Variants in RBFOX3 observed in about 807,000 individuals in gnomAD.
RBFOX3 encodes the protein RNA binding fox-1 homolog 3, also known as RNA binding protein fox-1 homolog 3.
RBFOX3 carries 17 observed loss-of-function variants against 48.7 expected under a neutral mutation model. That is an observed-to-expected ratio of 0.35 (90% CI 0.24 to 0.52). The LOEUF is 0.52. Among genes scored for constraint, RBFOX3 ranks in the 20% least tolerant of loss-of-function variants. The pLI, the probability that RBFOX3 is intolerant of heterozygous loss-of-function variation, is 0.94. For missense variants in RBFOX3, 382 were observed against 497.5 expected, an observed-to-expected ratio of 0.77 and a Z score of 2.21; for synonymous variants, 212 against 209.5, an observed-to-expected ratio of 1.01 and a Z score of -0.10.
rs538418881 is a variant in RBFOX3 at position 79,391,845 on chromosome 17, C to T, written c.-174-84021G>A. Reference sequence around the variant, plus strand: ...GACAGCACACCCCCGCTCTGATCCTCGGTTTCCGAATCTGTTAAAAAAAAA... The same window carrying T: ...GACAGCACACCCCCGCTCTGATCCTTGGTTTCCGAATCTGTTAAAAAAAAA... On this transcript the variant is annotated intron_variant, in intron 2 of 14. Coordinates refer to ENST00000693108, the MANE Select transcript of RBFOX3 (RefSeq NM_001350451.2). The surrounding 1 kb of genome is among the most constrained non-coding windows in gnomAD (Gnocchi z 5.0). Among the ~76,000 whole-genome samples, 4 of 151,576 alleles carry T rather than the reference C, an allele frequency of 2.6e-5. No individual in the cohort carries two copies. The highest frequency in any genetic ancestry group is 2.1e-4 in the South Asian group (1 of 4,768).
intron 1 of RBFOX3, among the ~76,000 whole-genome samples, chr17:79,602,665 T>G (rs2093732006): frequency 1.5e-5 from 2 of 135,404 alleles, no homozygotes; most frequent in South Asian, 4.3e-4. Context: ...ACACACTTTG[T>G]TTTTTTTTTC....
rs1376363195 is a variant in RBFOX3, at chr17:79,477,353, G to A, written c.-175+5101C>T. 1.7e-4 allele frequency among the ~76,000 whole-genome samples: 25 copies of A among 150,538 alleles called. No individual in the cohort carries two copies. The highest frequency in any genetic ancestry group is 1.4e-3 in the East Asian group (7 of 5,138). On this transcript the variant is annotated intron_variant, in intron 2 of 14. Transcript: ENST00000693108. The surrounding 1 kb of genome is among the most constrained non-coding windows in gnomAD (Gnocchi z 4.8). ...AGGTGGATCACGAGGTCAGGAGATC[G>A]AGATCATCCTGGCTAACACGGTGAA...
At chr17:79,622,555 A>C in the RBFOX3 span, among the ~76,000 whole-genome samples, 1 of 152,224 alleles carries the variant, frequency 6.6e-6, no homozygotes, top group Non-Finnish European at 1.5e-5. Flanking sequence ...CAGACGTCCA[A>C]GATGGAGATG....
At position 79,220,934 on chromosome 17, in the gene RBFOX3, TG is replaced by T. The variant is rs2059650011; in HGVS notation, c.-34+14831del. On this transcript the variant is annotated intron_variant, in intron 4 of 14. Transcript: ENST00000693108. The surrounding 1 kb of genome is among the most constrained non-coding windows in gnomAD (Gnocchi z 5.9). ...GGTGAGAGGGTGGAGTGCAGGGAGGTGGGGCCACCGCCTGCAGGAGAGCCTG... is the reference window on the plus strand; with the variant it reads ...GGTGAGAGGGTGGAGTGCAGGGAGGTGGGCCACCGCCTGCAGGAGAGCCTG... Among the ~76,000 whole-genome samples, 1 of 151,628 alleles carries T rather than the reference TG, an allele frequency of 6.6e-6. No homozygotes were observed. Among genetic ancestry groups the T allele is most frequent in the East Asian group, 1.9e-4 (1 of 5,132 alleles).
chr17:79,106,912 C>G, intron 5 of RBFOX3, 124 bp from the exon 6 acceptor site: 1 of 1,286,620 alleles, frequency 7.8e-7, no homozygotes, highest in African/African-American at 1.6e-5. Flanking sequence ...TCTCCCCCAT[C>G]CCTGGGCTGG....
intron 2 of RBFOX3, among the ~76,000 whole-genome samples, chr17:79,333,176 G>C (rs924431299): frequency 3.9e-5 from 6 of 152,146 alleles, no homozygotes; most frequent in Admixed American, 6.5e-5. Flanking sequence ...CCAGGGAGGA[G>C]ACTGACCCTC....
chr17:79,232,231 G>A (rs1022592224), intron 4 of RBFOX3, among the ~76,000 whole-genome samples: 4 of 152,038 alleles, frequency 2.6e-5, no homozygotes, highest in Non-Finnish European at 4.4e-5. Flanking sequence ...ATTCAATCCC[G>A]ATCAAAATCC....
At chr17:79,662,301 T>C in the RBFOX3 span, among the ~76,000 whole-genome samples, 3 of 151,948 alleles carry the variant, frequency 2.0e-5, no homozygotes, top group East Asian at 5.8e-4. Context: ...TTTTTGTATT[T>C]CTAGTAGAGA....
chr17:79,130,967 C>CGTGCCCTGCGT (rs1278968043), intron 4 of RBFOX3, among the ~76,000 whole-genome samples: 1 of 152,206 alleles, frequency 6.6e-6, no homozygotes, highest in Admixed American at 6.5e-5. Flanking sequence ...GCGTGCTCTG[C>CGTGCCCTGCGT]GTGCCCTGCG....
intron 4 of RBFOX3, among the ~76,000 whole-genome samples, chr17:79,142,216 G>A (rs558519272): frequency 2.6e-5 from 4 of 152,188 alleles, no homozygotes; most frequent in East Asian, 1.9e-4. Context: ...TGTGTGCCTT[G>A]TCTGTAATTA....
At chr17:79,208,381 C>T (rs1461341395) in intron 4 of RBFOX3, 1 of 152,388 alleles carries the variant, frequency 6.6e-6, no homozygotes, top group Non-Finnish European at 1.5e-5. Flanking sequence ...TCCAAGCAGT[C>T]CGGGGAAGGG....
At chr17:79,094,839 G>A (rs1028149598) in intron 13 of RBFOX3, among the ~76,000 whole-genome samples, 3 of 152,164 alleles carry the variant, frequency 2.0e-5, no homozygotes, top group Middle Eastern at 3.4e-3. Context: ...CATGGAGCTC[G>A]TCTGCAGGGA....
intron 3 of RBFOX3, among the ~76,000 whole-genome samples, chr17:79,237,530 A>G (rs979577413): frequency 6.6e-6 from 1 of 152,260 alleles, no homozygotes; most frequent in Admixed American, 6.5e-5. Context: ...GGTGGAAAGA[A>G]GTACCCCGCC....
the RBFOX3 span, among the ~76,000 whole-genome samples, chr17:79,648,978 C>CTTT: frequency 6.8e-5 from 9 of 133,216 alleles, no homozygotes; most frequent in South Asian, 2.4e-4. Flanking sequence ...TGAAAAATGT[C>CTTT]TTTTTTTTTT....
chr17:79,172,173 C>CA (rs977301314), intron 4 of RBFOX3, among the ~76,000 whole-genome samples: 7,641 of 51,576 alleles, frequency 0.15, 426 homozygotes, highest in East Asian at 0.27. Context: ...GAGTCCGTCT[C>CA]AAAAAAAAAA....
At chr17:79,107,565 G>A (rs867318528) in intron 5 of RBFOX3, among the ~76,000 whole-genome samples, 2 of 152,230 alleles carry the variant, frequency 1.3e-5, no homozygotes, top group Non-Finnish European at 2.9e-5. Flanking sequence ...TGGACTGGCC[G>A]TGAGCTCACG....
chr17:79,274,463 G>A lies in RBFOX3; in HGVS notation c.-74+33261C>T, dbSNP rs1015713479. On this transcript the variant is annotated intron_variant, in intron 3 of 14. Coordinates refer to ENST00000693108, the MANE Select transcript of RBFOX3 (RefSeq NM_001350451.2). ...TCGCAGCTCTTCTCTGCACTCAGGC[G>A]CGAGGGAACTCCTTTGTCCTGCTGT... Among the ~76,000 whole-genome samples, 4 of 152,176 alleles carry A rather than the reference G, an allele frequency of 2.6e-5. No homozygotes were observed. The East Asian group carries it at 5.8e-4, about 22-fold the overall frequency.
At chr17:79,385,620 C>T (rs1430114247) in intron 2 of RBFOX3, among the ~76,000 whole-genome samples, 3 of 152,194 alleles carry the variant, frequency 2.0e-5, no homozygotes, top group African/African-American at 7.2e-5. Context: ...GTGCTGCTCC[C>T]TCATTCTGTG....
rs8069372 is a variant in RBFOX3 at position 79,249,518 on chromosome 17, C to G, written c.-73-13713G>C. ...CTTTTTCACCTGCAAACCGGCCAAC[C>G]AGATCCCACACCCCAAGCCCCTGCC... is the stretch of plus-strand genomic sequence containing the variant. On this transcript the variant is annotated intron_variant, in intron 3 of 14. Transcript: ENST00000693108. This position sits in a 1 kb window ranked among gnomAD's most constrained non-coding sequence, Gnocchi z 4.1. 0.04 allele frequency among the ~76,000 whole-genome samples: 6,112 copies of G among 151,988 alleles called. 144 individuals are homozygous for G. The highest frequency in any genetic ancestry group is 0.12 in the East Asian group (597 of 5,134).
Sources: gnomAD v4.1 joint callset for allele counts (sites outside exome capture counted in the v4.1 genomes callset) on GRCh38, gnomAD v4.1.1 for gene constraint, Gnocchi (gnomAD v3.1) non-coding constraint, MANE v1.5 for transcripts, NCBI Gene and HGNC (gene_info 2026-07-23, HGNC 2026-07-21) for gene names.